The following RPL15 variants were observed in gnomAD, a reference collection of about 807,000 sequenced individuals.
RPL15 encodes the protein large ribosomal subunit protein eL15.
For missense variants in RPL15, 161 were observed against 271.8 expected (o/e 0.59, Z 2.87); for synonymous variants, 97 against 95.1 (o/e 1.02, Z -0.12).
At chr3:23,918,245 A>G in intron 2 of RPL15, 195 bp from the exon 3 acceptor site, 2 of 911,176 alleles carry the variant, frequency 2.2e-6, no homozygotes, top group South Asian at 1.8e-5. Flanking sequence ...GACTAAAGCA[A>G]AATAAACAGT....
At chr3:23,918,727 CT>C in intron 3 of RPL15, 151 bp downstream of exon 3, 1 of 874,298 alleles carries the variant, frequency 1.1e-6, no homozygotes. Context: ...AGAGTAATTG[CT>C]TGAAAGACTT....
At position 23,920,491 on chromosome 3, in the gene RPL15, C is replaced by T. The variant is rs1575123361; in HGVS notation, c.*990C>T. On this transcript the variant is annotated 3_prime_UTR_variant, in exon 4 of 4. Transcript: ENST00000307839. ...ACCATCACTTGTGCACCCACTTTGA[C>T]TATGAGTATACCACCACATTGCATT... The T allele has an allele frequency of 1.0e-6, 1 of 984,876 alleles. No homozygotes were observed. 61.0% of individuals were successfully genotyped at this position (984,876 alleles called of 1,614,324 possible). A position where few individuals can be genotyped will look rare whatever the true frequency, so the allele number is the denominator to read the frequency against.
At chr3:23,918,744 TGTTA>T in intron 3 of RPL15, 168 bp downstream of exon 3, 3 of 785,900 alleles carry the variant, frequency 3.8e-6, no homozygotes, top group South Asian at 1.8e-5. Flanking sequence ...GACTTGTCTT[TGTTA>T]CAAATGCGTG....
chr3:23,920,428 AAAC>A lies in RPL15; in HGVS notation c.*931_*933del, dbSNP rs1315562954. 2 of 985,330 alleles carry A rather than the reference AAAC, an allele frequency of 2.0e-6. No homozygotes were observed. Among genetic ancestry groups the A allele is most frequent in the African/African-American group, 1.7e-5 (1 of 57,248 alleles). The allele number at this position is 985,330 out of a possible 1,614,324, so 61.0% of individuals were successfully genotyped here. A position where few individuals can be genotyped will look rare whatever the true frequency, so the allele number is the denominator to read the frequency against. ...TGCAGTTATTTCTCTTGTTCTGGCC[AAAC>A]AACCCTAAAAATCCTTACCATTCCA... is the stretch of plus-strand genomic sequence containing the variant. On this transcript the variant is annotated 3_prime_UTR_variant, in exon 4 of 4. Coordinates refer to ENST00000307839, the MANE Select transcript of RPL15 (RefSeq NM_002948.5).
intron 2 of RPL15, 193 bp from the exon 3 acceptor site, chr3:23,918,247 A>T (rs556595694): frequency 6.6e-6 from 6 of 906,296 alleles, no homozygotes; most frequent in Non-Finnish European, 9.9e-6. Context: ...CTAAAGCAAA[A>T]TAAACAGTGT....
chr3:23,919,400 C>T lies in RPL15; in HGVS notation c.514C>T (p.Arg172Cys), dbSNP rs2125256159. 6.9e-6 allele frequency: 11 copies of T among 1,603,264 alleles called. No homozygotes were observed. Among genetic ancestry groups the T allele is most frequent in the East Asian group, 2.2e-5 (1 of 44,886 alleles). The change falls in exon 4 of 4, where the codon CGT becomes TGT. Residue 172 changes from arginine (R) to cysteine (C), a missense_variant. Transcript: ENST00000307839. ...GCTGACATCTGCAGGCCGAAAGAGC[C>T]GTGGCCTTGGAAAGGGCCACAAGTT... ...RGLTSAGRKSRGLGKGHKFHH... is the reference protein window; with the variant it reads ...RGLTSAGRKSCGLGKGHKFHH...
chr3:23,921,644 G>T, downstream of RPL15: 1 of 649,954 alleles, frequency 1.5e-6, no homozygotes, highest in Non-Finnish European at 2.8e-6. Context: ...GGGCAATCAC[G>T]GCTCACTGCA....
At chr3:23,917,799 T>C in intron 1 of RPL15, 51 bp from the exon 2 acceptor site, 7 of 1,520,160 alleles carry the variant, frequency 4.6e-6, no homozygotes, top group Admixed American at 2.0e-5. Context: ...GATACAGTCG[T>C]CTTATTGTAC....
chr3:23,921,573 T>G (rs7616185), downstream of RPL15: 146,485 of 419,878 alleles, frequency 0.35, 13,804 homozygotes, highest in African/African-American at 0.46. Flanking sequence ...TTATTGAGTT[T>G]TTTTTTTTTT....
chr3:23,918,418 T>C (rs780161534), intron 2 of RPL15, 22 bp from the exon 3 acceptor site: 1 of 1,608,506 alleles, frequency 6.2e-7, no homozygotes, highest in Non-Finnish European at 8.5e-7. Context: ...AAATCACTAA[T>C]TTCGTGTGTG....
At position 23,917,949 on chromosome 3, in the gene RPL15, C is replaced by T; in HGVS notation, c.90C>T (p.Tyr30=). 6.2e-7 allele frequency: 1 copy of T among 1,613,832 alleles called. No individual in the cohort carries two copies. Reference sequence around the variant, plus strand: ...TTCTGAGGGTCCGCTGCTGGCAGTACCGCCAGCTCTCTGCTCTCCACAGGG... The same window carrying T: ...TTCTGAGGGTCCGCTGCTGGCAGTATCGCCAGCTCTCTGCTCTCCACAGGG... ...RFLLRVRCWQ[Y]RQLSALHRAP... Residue 30 remains tyrosine, a synonymous_variant, in exon 2 of 4, where the codon TAC becomes TAT. Transcript: ENST00000307839.
chr3:23,918,726 G>C, intron 3 of RPL15, 150 bp downstream of exon 3: 1 of 913,790 alleles, frequency 1.1e-6, no homozygotes, highest in Non-Finnish European at 1.6e-6. Context: ...AAGAGTAATT[G>C]CTTGAAAGAC....
In RPL15 at chr3:23,920,510, T is replaced by G. The variant is rs1705018056; in HGVS notation, c.*1009T>G. 1.0e-6 allele frequency: 1 copy of G among 985,198 alleles called. No homozygotes were observed. Among genetic ancestry groups the G allele is most frequent in the Non-Finnish European group, 1.2e-6 (1 of 829,698 alleles). 61.0% of individuals were successfully genotyped at this position (985,198 alleles called of 1,614,324 possible). On this transcript the variant is annotated 3_prime_UTR_variant, in exon 4 of 4. Transcript: ENST00000307839. Reference sequence around the variant, plus strand: ...CTTTGACTATGAGTATACCACCACATTGCATTTCTGTTTGCACCATGTCTT... The same window carrying G: ...CTTTGACTATGAGTATACCACCACAGTGCATTTCTGTTTGCACCATGTCTT...
chr3:23,917,816 C>A, intron 1 of RPL15, 34 bp from the exon 2 acceptor site: 1 of 1,566,106 alleles, frequency 6.4e-7, no homozygotes, highest in South Asian at 1.2e-5. Context: ...GTACTTAAAG[C>A]GGATGATATT....
downstream of RPL15, chr3:23,923,749 G>A (rs1479701574): frequency 1.3e-5 from 2 of 152,172 alleles, no homozygotes; most frequent in Admixed American, 1.3e-4. Flanking sequence ...TTGCCAAATT[G>A]TCTTCCATAA....
At chr3:23,916,739 C>A, upstream of RPL15, 1 of 152,616 alleles carries the variant, frequency 6.6e-6, no homozygotes, top group African/African-American at 2.4e-5. Flanking sequence ...GACGCGGAGA[C>A]GCAGAGACTC....
In RPL15 at chr3:23,920,326, T is replaced by C. The variant is rs1326799179; in HGVS notation, c.*825T>C. 6.1e-6 allele frequency: 6 copies of C among 985,600 alleles called. No individual in the cohort carries two copies. Among genetic ancestry groups the C allele is most frequent in the Non-Finnish European group, 7.2e-6 (6 of 829,928 alleles). 61.1% of individuals were successfully genotyped at this position (985,600 alleles called of 1,614,324 possible). A position where few individuals can be genotyped will look rare whatever the true frequency, so the allele number is the denominator to read the frequency against. On this transcript the variant is annotated 3_prime_UTR_variant, in exon 4 of 4. Coordinates refer to ENST00000307839, the MANE Select transcript of RPL15 (RefSeq NM_002948.5). ...AGTCCAGTCAGTCTTAAAAACATCT[T>C]GGGTTACCCACTCTGTCCACTCCCA...
At chr3:23,917,666 G>A in intron 1 of RPL15, 184 bp from the exon 2 acceptor site, 1 of 590,700 alleles carries the variant, frequency 1.7e-6, no homozygotes, top group South Asian at 2.1e-5. Flanking sequence ...GGTTGCGGAA[G>A]TGACTGAACG....
chr3:23,918,132 A>C, intron 2 of RPL15, 101 bp downstream of exon 2: 1 of 1,423,718 alleles, frequency 7.0e-7, no homozygotes, highest in Non-Finnish European at 9.5e-7. Flanking sequence ...CTTTCTTCGC[A>C]TAGGGCTTTG....
Sources: allele counts gnomAD v4.1 joint callset, GRCh38; gene constraint gnomAD v4.1.1; transcripts MANE v1.5; gene names NCBI Gene and HGNC (gene_info 2026-07-23, HGNC 2026-07-21).